The following THSD7A variants were observed in gnomAD, a reference collection of about 807,000 sequenced individuals.
THSD7A encodes the protein thrombospondin type 1 domain containing 7A, also known as thrombospondin type-1 domain-containing protein 7A.
In THSD7A, 96 loss-of-function variants were observed where a neutral mutation model predicts 231.3. The observed-to-expected ratio is 0.41, with a 90% CI of 0.35 to 0.49. The LOEUF is 0.49. Ranked by LOEUF, THSD7A falls within the 20% of genes least tolerant of loss-of-function variation. THSD7A has a pLI of 0.05. For missense variants in THSD7A, 2,290 were observed against 2,070.2 expected (o/e 1.11, Z -2.06); for synonymous variants, 940 against 743.3 (o/e 1.26, Z -4.30).
chr7:11,697,453 C>T (rs1203062298), intron 1 of THSD7A, among the ~76,000 whole-genome samples: 1 of 151,314 alleles, frequency 6.6e-6, no homozygotes, highest in African/African-American at 2.4e-5. Context: ...GACTTACATA[C>T]ACAATTTTAT....
At chr7:11,576,247 G>A (rs912981861) in intron 4 of THSD7A, among the ~76,000 whole-genome samples, 4 of 151,766 alleles carry the variant, frequency 2.6e-5, no homozygotes, top group African/African-American at 7.3e-5. Context: ...CTTTATTGTC[G>A]GTATTTATAG....
rs546234824 is a variant in THSD7A at position 11,809,243 on chromosome 7, A to C, written c.190+22514T>G. Among the ~76,000 whole-genome samples the C allele has an allele frequency of 2.0e-3, 301 of 152,306 alleles. 2 individuals are homozygous for C. Among genetic ancestry groups the C allele is most frequent in the South Asian group, 0.013 (64 of 4,830 alleles). On this transcript the variant is annotated intron_variant, in intron 1 of 27. Transcript: ENST00000423059. ...TACCAGTAATTTGGTGGAGGCACAC[A>C]CTGAATGCACAGGTGAAAATGAAAA...
intron 23 of THSD7A, among the ~76,000 whole-genome samples, chr7:11,398,080 T>C (rs1783258249): frequency 1.3e-5 from 2 of 152,192 alleles, no homozygotes; most frequent in Admixed American, 6.5e-5. Context: ...TAAAGACACA[T>C]GCACATTTAT....
chr7:11,717,297 G>T (rs1016231483), intron 1 of THSD7A, among the ~76,000 whole-genome samples: 1 of 151,664 alleles, frequency 6.6e-6, no homozygotes, highest in African/African-American at 2.4e-5. Flanking sequence ...ACATGCACTG[G>T]GATTCTCCCT....
chr7:11,793,019 G>A (rs529530863), intron 1 of THSD7A, among the ~76,000 whole-genome samples: 7 of 151,838 alleles, frequency 4.6e-5, no homozygotes, highest in Admixed American at 1.3e-4. Flanking sequence ...ATTGTTATAT[G>A]TTTAATAAGT....
chr7:11,447,445 T>C (rs1785008374), intron 11 of THSD7A, 21 bp from the exon 12 acceptor site: 2 of 1,497,198 alleles, frequency 1.3e-6, no homozygotes, highest in Non-Finnish European at 8.9e-7. Flanking sequence ...AGCATAAAGC[T>C]GTTATAACAA....
At chr7:11,384,633 C>CACTT (rs1266350156) in intron 23 of THSD7A, 3 of 151,958 alleles carry the variant, frequency 2.0e-5, no homozygotes, top group Non-Finnish European at 4.4e-5. Flanking sequence ...TTCCCTCTGC[C>CACTT]ACTTACTTAC....
intron 6 of THSD7A, among the ~76,000 whole-genome samples, chr7:11,530,352 TAA>T (rs1788653000): frequency 6.6e-6 from 1 of 152,126 alleles, no homozygotes; most frequent in African/African-American, 2.4e-5. Flanking sequence ...AGGGCAATAA[TAA>T]AAGTTTACTT....
chr7:11,430,648 A>G (rs1217728585), intron 13 of THSD7A, among the ~76,000 whole-genome samples: 1 of 151,802 alleles, frequency 6.6e-6, no homozygotes, highest in Non-Finnish European at 1.5e-5. Context: ...ATATATATAT[A>G]TATTTTATAG....
At chr7:11,788,437 A>G (rs1178006062) in intron 1 of THSD7A, among the ~76,000 whole-genome samples, 5 of 151,880 alleles carry the variant, frequency 3.3e-5, no homozygotes, top group East Asian at 3.9e-4. Context: ...TTTCCCCCCA[A>G]TCCTCATGCC....
intron 1 of THSD7A, among the ~76,000 whole-genome samples, chr7:11,670,806 T>TA (rs1012635109): frequency 2.0e-5 from 3 of 152,096 alleles, no homozygotes; most frequent in Non-Finnish European, 4.4e-5. Flanking sequence ...ATTAATCTAA[T>TA]AAAAAAACAG....
In THSD7A at chr7:11,745,269, C is replaced by T. The variant is rs531006268; in HGVS notation, c.190+86488G>A. ...CTGAGAAATGTCTGTTCATGTCCTT[C>T]GCCCACTTTTTGATGGGGTTGTTTG... On this transcript the variant is annotated intron_variant, in intron 1 of 27. Coordinates refer to ENST00000423059, the MANE Select transcript of THSD7A (RefSeq NM_015204.3). 8.4e-4 allele frequency among the ~76,000 whole-genome samples: 127 copies of T among 152,084 alleles called. 1 individual carries two copies. The highest frequency in any genetic ancestry group is 6.8e-3 in the South Asian group (33 of 4,822).
chr7:11,513,591 T>A (rs1004793590), intron 6 of THSD7A, among the ~76,000 whole-genome samples: 2 of 152,064 alleles, frequency 1.3e-5, no homozygotes, highest in Non-Finnish European at 2.9e-5. Flanking sequence ...TACCCAGAAC[T>A]GGTAAATCCA....
chr7:11,762,819 C>G (rs1246757484), intron 1 of THSD7A, among the ~76,000 whole-genome samples: 1 of 151,688 alleles, frequency 6.6e-6, no homozygotes, highest in Non-Finnish European at 1.5e-5. Context: ...CACAAACAAA[C>G]GGAAAAACAT....
chr7:11,707,352 C>G (rs1780802108), intron 1 of THSD7A, among the ~76,000 whole-genome samples: 1 of 150,892 alleles, frequency 6.6e-6, no homozygotes, highest in African/African-American at 2.4e-5. Context: ...AGTTATGGAG[C>G]TATTAATTTT....
chr7:11,481,288 G>A (rs1786411488), intron 7 of THSD7A, among the ~76,000 whole-genome samples: 1 of 152,126 alleles, frequency 6.6e-6, no homozygotes, highest in Admixed American at 6.5e-5. Context: ...GGACCTCGGA[G>A]CCTATGTTCA....
At position 11,444,878 on chromosome 7, in the gene THSD7A, CTATT is replaced by C. The variant is rs1277677304; in HGVS notation, c.3064+1179_3064+1182del. Among the ~76,000 whole-genome samples the C allele has an allele frequency of 4.1e-5, 6 of 145,660 alleles. No homozygotes were observed. Among genetic ancestry groups the C allele is most frequent in the Non-Finnish European group, 9.0e-5 (6 of 66,680 alleles). On this transcript the variant is annotated intron_variant, in intron 13 of 27. Coordinates refer to ENST00000423059, the MANE Select transcript of THSD7A (RefSeq NM_015204.3). The surrounding 1 kb of genome is among the most constrained non-coding windows in gnomAD (Gnocchi z 4.2). ...TATATAAAACTATCATTATATATAA[CTATT>C]TTATATATATATAAAATGCTGTATA... is the stretch of plus-strand genomic sequence containing the variant.
At chr7:11,532,650 A>G (rs754363156) in intron 6 of THSD7A, among the ~76,000 whole-genome samples, 56 of 152,190 alleles carry the variant, frequency 3.7e-4, no homozygotes, top group Non-Finnish European at 1.2e-4. Context: ...AAAAATTGGC[A>G]AAACTGTTTC....
intron 1 of THSD7A, among the ~76,000 whole-genome samples, chr7:11,670,081 A>C (rs910478586): frequency 6.6e-6 from 1 of 152,188 alleles, no homozygotes; most frequent in Non-Finnish European, 1.5e-5. Flanking sequence ...AGGCGTGCAA[A>C]AAAATTCAGA....
Sources: allele counts gnomAD v4.1 joint callset (sites outside exome capture counted in the v4.1 genomes callset), GRCh38; gene constraint gnomAD v4.1.1; non-coding constraint Gnocchi (gnomAD v3.1); transcripts MANE v1.5; gene names NCBI Gene and HGNC (gene_info 2026-07-23, HGNC 2026-07-21).